The following SAE1 variants were observed in gnomAD, a reference collection of about 807,000 sequenced individuals.
SAE1 encodes the protein SUMO1 activating enzyme subunit 1.
A neutral mutation model predicts 40.6 loss-of-function variants in SAE1; 11 were observed. The ratio of observed to expected loss-of-function variants is 0.27; its 90% CI spans 0.17 to 0.45. The LOEUF (loss-of-function observed/expected upper bound fraction) is 0.45. Ranked by LOEUF, SAE1 falls within the 20% of genes least tolerant of loss-of-function variation. SAE1 has a pLI of 1.00. For missense variants in SAE1, 373 were observed against 427.3 expected (o/e 0.87, Z 1.12); for synonymous variants, 155 against 154.3 (o/e 1.00, Z -0.03).
intron 5 of SAE1, among the ~76,000 whole-genome samples, chr19:47,164,323 C>T (rs2058376692): frequency 6.6e-6 from 1 of 152,046 alleles, no homozygotes; most frequent in Non-Finnish European, 1.5e-5. Context: ...CACCCGCCAC[C>T]ACACCCGGCT....
At chr19:47,199,017 A>G (rs1212865585) in intron 7 of SAE1, among the ~76,000 whole-genome samples, 1 of 152,084 alleles carries the variant, frequency 6.6e-6, no homozygotes, top group African/African-American at 2.4e-5. Context: ...GAGCCCAGGA[A>G]AGCAGAGGTT....
intron 5 of SAE1, among the ~76,000 whole-genome samples, chr19:47,160,102 C>G (rs2058349603): frequency 6.6e-6 from 1 of 151,972 alleles, no homozygotes; most frequent in Admixed American, 6.6e-5. Flanking sequence ...TTGAACTAAG[C>G]TGAGAGAACA....
intron 6 of SAE1, among the ~76,000 whole-genome samples, chr19:47,180,694 A>C (rs543476921): frequency 6.6e-6 from 1 of 152,120 alleles, no homozygotes; most frequent in African/African-American, 2.4e-5. Flanking sequence ...ACAGTGGTGC[A>C]TGCATGTAGT....
rs528232338 is a variant in SAE1, at chr19:47,155,773, G to A, written c.627+560G>A. Among the ~76,000 whole-genome samples, 237 of 133,878 alleles carry A rather than the reference G, an allele frequency of 1.8e-3. 1 individual carries two copies. The highest frequency in any genetic ancestry group is 6.6e-3 in the African/African-American group (231 of 35,208). 87.8% of individuals were successfully genotyped at this position (133,878 alleles called of 152,430 possible). A position where few individuals can be genotyped will look rare whatever the true frequency, so the allele number is the denominator to read the frequency against. On this transcript the variant is annotated intron_variant, in intron 5 of 8. Transcript: ENST00000270225. Reference sequence around the variant, plus strand: ...CCTTTTTTTTTTTTTTTTTGAGATGGAGTCTTGCTGTGTCCAGGCTGGAGT... The same window carrying A: ...CCTTTTTTTTTTTTTTTTTGAGATGAAGTCTTGCTGTGTCCAGGCTGGAGT...
rs543106904 is a variant in SAE1, at chr19:47,160,597, G to A, written c.627+5384G>A. 3.7e-3 allele frequency among the ~76,000 whole-genome samples: 564 copies of A among 151,850 alleles called. 5 individuals carry two copies. The highest frequency in any genetic ancestry group is 0.013 in the African/African-American group (534 of 41,420). The stretch of plus-strand genomic sequence containing the variant: ...TTTCTAGTAGAGATGGGGTTTCACC[G>A]TGTTAGCCAGGATGGTCTCGATCTC... On this transcript the variant is annotated intron_variant, in intron 5 of 8. Transcript: ENST00000270225.
At chr19:47,133,853 G>A (rs1287965616) in intron 1 of SAE1, among the ~76,000 whole-genome samples, 1 of 148,938 alleles carries the variant, frequency 6.7e-6, no homozygotes, top group Non-Finnish European at 1.5e-5. Flanking sequence ...TTTCAGATTT[G>A]TTTTTTTTGT....
intron 6 of SAE1, among the ~76,000 whole-genome samples, chr19:47,182,498 C>CGT (rs943356259): frequency 1.4e-4 from 15 of 107,682 alleles, no homozygotes; most frequent in African/African-American, 3.2e-4. Flanking sequence ...TGTGTGTGTG[C>CGT]GCGCACGCAC....
intron 1 of SAE1, among the ~76,000 whole-genome samples, chr19:47,136,440 A>G (rs1006011512): frequency 2.0e-5 from 3 of 147,746 alleles, no homozygotes; most frequent in African/African-American, 7.5e-5. Flanking sequence ...ACCCAGCCTG[A>G]TTTATTTTCA....
At chr19:47,205,761 C>A (rs776723360) in intron 8 of SAE1, among the ~76,000 whole-genome samples, 13 of 152,152 alleles carry the variant, frequency 8.5e-5, no homozygotes, top group South Asian at 2.1e-4. Context: ...ATTTCATCTC[C>A]CACCGGCCCT....
chr19:47,200,270 G>C (rs968463383), intron 7 of SAE1, among the ~76,000 whole-genome samples: 31 of 140,904 alleles, frequency 2.2e-4, no homozygotes, highest in African/African-American at 8.0e-4. Flanking sequence ...GTCTCTCTCT[G>C]TTGCCTAGGC....
intron 6 of SAE1, among the ~76,000 whole-genome samples, chr19:47,191,826 C>T (rs530456759): frequency 1.3e-5 from 2 of 151,918 alleles, no homozygotes; most frequent in Admixed American, 6.6e-5. Context: ...GAGGCCAAGG[C>T]GGGCCGATCA....
chr19:47,156,428 G>A (rs968058078), intron 5 of SAE1, among the ~76,000 whole-genome samples: 2 of 151,804 alleles, frequency 1.3e-5, no homozygotes, highest in African/African-American at 2.4e-5. Flanking sequence ...GCAGTGAGCC[G>A]AGACGGCAAC....
intron 3 of SAE1, among the ~76,000 whole-genome samples, chr19:47,151,905 G>C (rs113275493): frequency 6.6e-6 from 1 of 152,236 alleles, no homozygotes; most frequent in Non-Finnish European, 1.5e-5. Context: ...TGTTTGGCTG[G>C]TCCTTGCAGG....
chr19:47,184,073 C>T (rs1243856231), intron 6 of SAE1, among the ~76,000 whole-genome samples: 1 of 151,960 alleles, frequency 6.6e-6, no homozygotes, highest in African/African-American at 2.4e-5. Flanking sequence ...AATGTTTCAC[C>T]TTAAAGGTGA....
chr19:47,193,670 AC>A (rs1326413649), intron 6 of SAE1, among the ~76,000 whole-genome samples: 2 of 151,966 alleles, frequency 1.3e-5, no homozygotes, highest in African/African-American at 4.8e-5. Flanking sequence ...TACTAAAAAT[AC>A]AAAAAATTAG....
At chr19:47,203,155 C>T (rs1223287991) in intron 7 of SAE1, among the ~76,000 whole-genome samples, 1 of 152,144 alleles carries the variant, frequency 6.6e-6, no homozygotes, top group Non-Finnish European at 1.5e-5. Context: ...CTAGATGCCC[C>T]ATCCTGGCCC....
rs1277022282 is a variant in SAE1, at chr19:47,140,638, A to C, written c.99-2856A>C. 4.6e-5 allele frequency among the ~76,000 whole-genome samples: 7 copies of C among 150,928 alleles called. No individual in the cohort carries two copies. The East Asian group carries it at 9.8e-4, about 21-fold the overall frequency. On this transcript the variant is annotated intron_variant, in intron 1 of 8. Transcript: ENST00000270225. ...CCTGTGTCTACAAAAAAAAAAAAAA[A>C]CCCATAAATCAGCCAGGTGCAGTGG...
At chr19:47,161,180 G>GT (rs1394358027) in intron 5 of SAE1, among the ~76,000 whole-genome samples, 1 of 75,136 alleles carries the variant, frequency 1.3e-5, no homozygotes, top group Non-Finnish European at 2.8e-5. Flanking sequence ...TAATTTTTTC[G>GT]GGTTTTTTTT....
chr19:47,164,718 A>G (rs1197033862), intron 5 of SAE1, among the ~76,000 whole-genome samples: 1 of 128,440 alleles, frequency 7.8e-6, no homozygotes, highest in Non-Finnish European at 1.6e-5. Flanking sequence ...GCATGATCTC[A>G]GCTCACTGCA....
Sources: gnomAD v4.1 joint callset for allele counts (sites outside exome capture counted in the v4.1 genomes callset) on GRCh38, gnomAD v4.1.1 for gene constraint, MANE v1.5 for transcripts, NCBI Gene and HGNC (gene_info 2026-07-23, HGNC 2026-07-21) for gene names.